The following CDK6 variants were observed in gnomAD, a reference collection of about 807,000 sequenced individuals.
The protein encoded by CDK6 is cyclin dependent kinase 6, also known as cyclin-dependent kinase 6.
Under a neutral mutation model 37.1 loss-of-function variants are expected in CDK6, and 6 were observed. That is an observed-to-expected ratio of 0.16 (90% CI 0.09 to 0.32). The LOEUF (loss-of-function observed/expected upper bound fraction) is 0.32, where lower values mean the gene tolerates loss of function less well. Among genes scored for constraint, CDK6 ranks in the 10% least tolerant of loss-of-function variants. The pLI is 1.00. For synonymous variants in CDK6, 160 were observed against 161.3 expected (o/e 0.99, Z 0.06); for missense variants, 224 against 418.9 (o/e 0.53, Z 4.06).
chr7:92,754,605 G>A (rs558233465), intron 3 of CDK6, among the ~76,000 whole-genome samples: 118 of 152,368 alleles, frequency 7.7e-4, no homozygotes, highest in African/African-American at 2.6e-3. Context: ...CCAAAGCACA[G>A]TATGTGCTTA....
At chr7:92,725,424 C>T (rs1297230234) in intron 4 of CDK6, 3 of 739,542 alleles carry the variant, frequency 4.1e-6, no homozygotes, top group Non-Finnish European at 5.0e-6. Flanking sequence ...GGATCCTGTC[C>T]ACAACAAGCC....
chr7:92,634,475 C>CTT (rs548746162), intron 5 of CDK6, among the ~76,000 whole-genome samples: 8 of 148,504 alleles, frequency 5.4e-5, no homozygotes, highest in Admixed American at 2.0e-4. Context: ...CTCTTCATAA[C>CTT]TTTTTTTTTT....
intron 4 of CDK6, among the ~76,000 whole-genome samples, chr7:92,687,206 A>G (rs886955211): frequency 2.6e-5 from 4 of 152,064 alleles, no homozygotes; most frequent in Non-Finnish European, 5.9e-5. Flanking sequence ...CCTGCAGTAC[A>G]CCTCTCTTAC....
rs151225006 is a variant in CDK6 at position 92,804,868 on chromosome 7, T to C, written c.233+28223A>G. Among the ~76,000 whole-genome samples the C allele has an allele frequency of 6.5e-3, 991 of 152,234 alleles. 16 individuals are homozygous for C. The highest frequency in any genetic ancestry group is 0.021 in the African/African-American group (882 of 41,536). ...ACCGCCCCAGTTGTGATAAACAAAA[T>C]GTGTTCAAAGACTGTCAAATCCCCT... On this transcript the variant is annotated intron_variant, in intron 2 of 7. Transcript: ENST00000424848.
chr7:92,748,150 T>C (rs1236956233), intron 3 of CDK6, among the ~76,000 whole-genome samples: 1 of 152,250 alleles, frequency 6.6e-6, no homozygotes, highest in Non-Finnish European at 1.5e-5. Flanking sequence ...TCAGAACTTT[T>C]ACAGATAACA....
At chr7:92,671,847 T>A (rs1382888338) in intron 4 of CDK6, among the ~76,000 whole-genome samples, 1 of 151,534 alleles carries the variant, frequency 6.6e-6, no homozygotes, top group Non-Finnish European at 1.5e-5. Flanking sequence ...TCTCCCCCCC[T>A]TTAAGGGCCT....
At position 92,606,350 on chromosome 7, in the gene CDK6, G is replaced by C. The variant is rs148438830; in HGVS notation, c.*8790C>G. The C allele has an allele frequency of 4.3e-6, 1 of 233,324 alleles. No homozygotes were observed. The highest frequency in any genetic ancestry group is 2.2e-5 in the African/African-American group (1 of 45,492). 14.5% of individuals were successfully genotyped at this position (233,324 alleles called of 1,614,324 possible). A position where few individuals can be genotyped will look rare whatever the true frequency, so the allele number is the denominator to read the frequency against. ...CATCAGGAACCATCTCTAGATGAAT[G>C]TGGCTAGGTCAAGTTGGGAGTGGTG... On this transcript the variant is annotated 3_prime_UTR_variant, in exon 8 of 8. Transcript: ENST00000424848.
intron 4 of CDK6, among the ~76,000 whole-genome samples, chr7:92,691,851 T>C (rs1406347791): frequency 6.6e-6 from 1 of 152,230 alleles, no homozygotes; most frequent in African/African-American, 2.4e-5. Flanking sequence ...GTACTTTAAC[T>C]GTACTTTTAA....
chr7:92,649,217 G>C (rs1319316266), intron 5 of CDK6, among the ~76,000 whole-genome samples: 1 of 152,158 alleles, frequency 6.6e-6, no homozygotes, highest in Non-Finnish European at 1.5e-5. Flanking sequence ...TTCACAGCAT[G>C]CCCATTATTA....
chr7:92,644,744 A>G (rs1789864756), intron 5 of CDK6, among the ~76,000 whole-genome samples: 1 of 152,238 alleles, frequency 6.6e-6, no homozygotes, highest in Non-Finnish European at 1.5e-5. Context: ...ACACATTACC[A>G]GGACCTTAGA....
rs528799520 is a variant in CDK6 at position 92,707,804 on chromosome 7, C to T, written c.537+17822G>A. 8.5e-5 allele frequency among the ~76,000 whole-genome samples: 13 copies of T among 152,320 alleles called. No individual in the cohort carries two copies. In the South Asian group the frequency reaches 2.7e-3, roughly 32 times the overall value. On this transcript the variant is annotated intron_variant, in intron 4 of 7. Transcript: ENST00000424848. ...TTAAATTCTGCTGTCTTCCCAGACT[C>T]TTCCAACTTAACAATCTCTGGCCTC... is the stretch of plus-strand genomic sequence containing the variant.
In CDK6 at chr7:92,664,859, C is replaced by T. The variant is rs565877407; in HGVS notation, c.647+6567G>A. Among the ~76,000 whole-genome samples, 7 of 151,682 alleles carry T rather than the reference C, an allele frequency of 4.6e-5. No homozygotes were observed. The South Asian group carries it at 1.5e-3, about 32-fold the overall frequency. ...GGAGTGCAGTGGCACGATCTCAGCTCACTGCAACCTCCACCTCCTGGGTTC... is the reference window on the plus strand; with the variant it reads ...GGAGTGCAGTGGCACGATCTCAGCTTACTGCAACCTCCACCTCCTGGGTTC... On this transcript the variant is annotated intron_variant, in intron 5 of 7. Coordinates refer to ENST00000424848, the MANE Select transcript of CDK6 (RefSeq NM_001145306.2).
chr7:92,807,530 C>T (rs1800758987), intron 2 of CDK6, among the ~76,000 whole-genome samples: 2 of 151,636 alleles, frequency 1.3e-5, no homozygotes, highest in South Asian at 2.1e-4. Flanking sequence ...TTTAACTCTG[C>T]ATCTCTCTAT....
At chr7:92,750,405 T>C (rs771757149) in intron 3 of CDK6, among the ~76,000 whole-genome samples, 3 of 152,202 alleles carry the variant, frequency 2.0e-5, no homozygotes, top group Non-Finnish European at 2.9e-5. Context: ...TAAAATGGCC[T>C]CCTGAGTAGG....
At chr7:92,636,651 T>C (rs191679455) in intron 5 of CDK6, among the ~76,000 whole-genome samples, 48 of 152,266 alleles carry the variant, frequency 3.2e-4, no homozygotes, top group Admixed American at 7.8e-4. Flanking sequence ...AAATATATGT[T>C]AAAAAAGATA....
chr7:92,676,820 ACTCTGGTGGGCG>A (rs1797213521), intron 4 of CDK6, among the ~76,000 whole-genome samples: 2 of 152,022 alleles, frequency 1.3e-5, no homozygotes, highest in African/African-American at 4.8e-5. Context: ...AAAATTTACA[ACTCTGGTGGGCG>A]CTTGTAGTCC....
chr7:92,773,174 A>G (rs1799759668), intron 3 of CDK6, among the ~76,000 whole-genome samples: 1 of 152,230 alleles, frequency 6.6e-6, no homozygotes, highest in Admixed American at 6.5e-5. Context: ...GACTGAATAC[A>G]TGAGATATGT....
chr7:92,795,016 T>C (rs1034313946), intron 2 of CDK6, among the ~76,000 whole-genome samples: 8 of 152,284 alleles, frequency 5.3e-5, no homozygotes, highest in African/African-American at 1.9e-4. Context: ...ACCAGATTTA[T>C]TTGGTCATAT....
At chr7:92,646,764 C>A (rs1161779606) in intron 5 of CDK6, among the ~76,000 whole-genome samples, 1 of 152,034 alleles carries the variant, frequency 6.6e-6, no homozygotes, top group Non-Finnish European at 1.5e-5. Flanking sequence ...CCATGGGATT[C>A]TTCTGTAAGT....
Sources: allele counts gnomAD v4.1 joint callset (sites outside exome capture counted in the v4.1 genomes callset), GRCh38; gene constraint gnomAD v4.1.1; transcripts MANE v1.5; gene names NCBI Gene and HGNC (gene_info 2026-07-23, HGNC 2026-07-21).